Variants in TRRAP observed in about 807,000 individuals in gnomAD.
The protein encoded by TRRAP is transformation/transcription domain-associated protein.
Under a neutral mutation model 438.8 loss-of-function variants are expected in TRRAP, and 41 were observed. That is an observed-to-expected ratio of 0.09 (90% CI 0.07 to 0.12). TRRAP has a LOEUF of 0.12. Among genes scored for constraint, TRRAP ranks in the 10% least tolerant of loss-of-function variants. The probability of loss-of-function intolerance (pLI) is 1.00; values close to 1 mark genes in which losing one functional copy is unlikely to be tolerated. For missense variants in TRRAP, 3,122 were observed against 5,055.1 expected, an observed-to-expected ratio of 0.62 and a Z score of 11.60; for synonymous variants, 1,994 against 1,962.9, an observed-to-expected ratio of 1.02 and a Z score of -0.42.
chr7:99,006,924 G>A (rs548524059), intron 69 of TRRAP, among the ~76,000 whole-genome samples: 1 of 152,214 alleles, frequency 6.6e-6, no homozygotes, highest in Non-Finnish European at 1.5e-5. Context: ...CCAAGGTGAC[G>A]TCACTGGGGA....
At chr7:98,986,981 A>C (rs1180735898) in intron 62 of TRRAP, among the ~76,000 whole-genome samples, 2 of 152,168 alleles carry the variant, frequency 1.3e-5, no homozygotes, top group East Asian at 3.8e-4. Flanking sequence ...TGGTCTTGAC[A>C]CCCTCATCAA....
chr7:99,002,650 T>G (rs1008057452), intron 67 of TRRAP, among the ~76,000 whole-genome samples: 4 of 152,010 alleles, frequency 2.6e-5, no homozygotes, highest in Non-Finnish European at 4.4e-5. Flanking sequence ...TGTGGAGTCC[T>G]GGCACTGTGA....
intron 30 of TRRAP, among the ~76,000 whole-genome samples, chr7:98,941,601 G>A (rs1427741777): frequency 6.6e-6 from 1 of 152,152 alleles, no homozygotes; most frequent in African/African-American, 2.4e-5. Flanking sequence ...CTTTAATTCT[G>A]TTACTCTCAT....
At chr7:99,003,770 A>G (rs1165216474) in intron 67 of TRRAP, among the ~76,000 whole-genome samples, 1 of 152,134 alleles carries the variant, frequency 6.6e-6, no homozygotes, top group Non-Finnish European at 1.5e-5. Flanking sequence ...CCATGTATAA[A>G]ACGTGTAATT....
Position 98,995,880 on chromosome 7 carries a change from T to C in TRRAP, c.10309+1032T>C, listed in dbSNP as rs1313768986. 2.6e-5 allele frequency among the ~76,000 whole-genome samples: 3 copies of C among 116,396 alleles called. No homozygotes were observed. The East Asian group carries it at 5.9e-4, about 23-fold the overall frequency. 76.4% of individuals were successfully genotyped at this position (116,396 alleles called of 152,430 possible). On this transcript the variant is annotated intron_variant, in intron 67 of 72. Coordinates refer to ENST00000456197, the MANE Select transcript of TRRAP (RefSeq NM_001375524.1). ...CCATTTACACACGCATGTCCCATCA[T>C]ACACACCCCTGTCCCATCTACACAC...
chr7:98,983,510 C>G (rs766697441), intron 60 of TRRAP, 51 bp downstream of exon 60: 1 of 1,600,840 alleles, frequency 6.2e-7, no homozygotes, highest in South Asian at 1.1e-5. Flanking sequence ...TCCAGACGCC[C>G]CACGGTTCTG....
intron 63 of TRRAP, among the ~76,000 whole-genome samples, chr7:98,989,689 G>A (rs935798485): frequency 6.6e-6 from 1 of 152,206 alleles, no homozygotes; most frequent in African/African-American, 2.4e-5. Flanking sequence ...CCTGGCTCCG[G>A]GTTGCTTACA....
chr7:98,903,058 C>G (rs989711874), intron 11 of TRRAP, among the ~76,000 whole-genome samples: 89 of 152,126 alleles, frequency 5.9e-4, no homozygotes, highest in Non-Finnish European at 1.1e-3. Flanking sequence ...ACGAGTCTCA[C>G]TCTTTCATGC....
At chr7:98,912,252 GT>G in intron 18 of TRRAP, 39 bp downstream of exon 18, 1 of 1,591,946 alleles carries the variant, frequency 6.3e-7, no homozygotes, top group Admixed American at 1.7e-5. Flanking sequence ...TCTGTTCAGG[GT>G]TTTTTATTGT....
At chr7:98,955,923 G>A (rs1263137921) in intron 41 of TRRAP, among the ~76,000 whole-genome samples, 5 of 152,124 alleles carry the variant, frequency 3.3e-5, no homozygotes, top group African/African-American at 1.2e-4. Context: ...GGGATGTAAT[G>A]GGATGTAGTT....
intron 64 of TRRAP, among the ~76,000 whole-genome samples, chr7:98,991,300 G>A (rs868739949): frequency 6.6e-6 from 1 of 152,284 alleles, no homozygotes; most frequent in Middle Eastern, 3.4e-3. Context: ...ACGAAGCACC[G>A]CAGGAGTCCG....
intron 26 of TRRAP, among the ~76,000 whole-genome samples, chr7:98,931,974 G>A (rs954771532): frequency 2.0e-5 from 3 of 151,556 alleles, no homozygotes; most frequent in Admixed American, 6.6e-5. Context: ...CCAGGCTGGA[G>A]TGCAATCCTA....
Position 98,950,275 on chromosome 7 carries a change from C to A in TRRAP, c.5334+13C>A. 1.2e-6 allele frequency: 2 copies of A among 1,614,124 alleles called. No homozygotes were observed. Among genetic ancestry groups the A allele is most frequent in the South Asian group, 1.1e-5 (1 of 91,074 alleles). ...ATTAAAAGCTAAAGTGAGTCCCACT[C>A]TTATGCTGTAGAAGGGTATGGGTAT... On this transcript the variant is annotated intron_variant, in intron 38 of 72. Transcript: ENST00000456197.
At chr7:98,939,308 T>G (rs781796426) in intron 30 of TRRAP, among the ~76,000 whole-genome samples, 15 of 152,206 alleles carry the variant, frequency 9.9e-5, no homozygotes, top group Non-Finnish European at 1.5e-4. Flanking sequence ...TAGAGAGAGA[T>G]ATTGCAGGTA....
intron 23 of TRRAP, among the ~76,000 whole-genome samples, chr7:98,929,058 C>T (rs1482703441): frequency 6.6e-6 from 1 of 152,068 alleles, no homozygotes; most frequent in Admixed American, 6.5e-5. Context: ...CTCCCTCACC[C>T]CTCCTGAGTA....
At chr7:98,926,444 T>C (rs1302868952) in intron 22 of TRRAP, among the ~76,000 whole-genome samples, 2 of 152,198 alleles carry the variant, frequency 1.3e-5, no homozygotes, top group Non-Finnish European at 2.9e-5. Context: ...GCCACTGAAC[T>C]GTGGAATAAA....
chr7:98,995,351 G>A (rs1464468474), intron 67 of TRRAP, among the ~76,000 whole-genome samples: 1 of 150,608 alleles, frequency 6.6e-6, no homozygotes, highest in Non-Finnish European at 1.5e-5. Context: ...GGTCCGGTGG[G>A]CCCATGGAAG....
At chr7:98,999,798 C>G in intron 67 of TRRAP, 1 of 539,396 alleles carries the variant, frequency 1.9e-6, no homozygotes, top group Non-Finnish European at 3.3e-6. Context: ...ACTTGAAGTT[C>G]TGTGGCAAAT....
Position 98,882,903 on chromosome 7 carries a change from C to T in TRRAP, c.150+879C>T, listed in dbSNP as rs782123876. 2.0e-5 allele frequency among the ~76,000 whole-genome samples: 3 copies of T among 152,250 alleles called. No homozygotes were observed. The East Asian group carries it at 5.8e-4, about 29-fold the overall frequency. On this transcript the variant is annotated intron_variant, in intron 3 of 72. Transcript: ENST00000456197. ...TGAACTCCTTACTTCAGGTGATCCTCCTGCCTTGGCCTCCCATAGTGCTGG... is the reference window on the plus strand; with the variant it reads ...TGAACTCCTTACTTCAGGTGATCCTTCTGCCTTGGCCTCCCATAGTGCTGG...
Sources: allele counts gnomAD v4.1 joint callset (sites outside exome capture counted in the v4.1 genomes callset), GRCh38; gene constraint gnomAD v4.1.1; transcripts MANE v1.5; gene names NCBI Gene and HGNC (gene_info 2026-07-23, HGNC 2026-07-21).